Variants in GALNT17 observed in about 807,000 individuals in gnomAD.
The protein encoded by GALNT17 is UDP-GalNAc:polypeptide N-acetylgalactosaminyltransferase-like 3.
Under a neutral mutation model 63.7 loss-of-function variants are expected in GALNT17, and 29 were observed. The ratio of observed to expected loss-of-function variants is 0.46; its 90% CI spans 0.34 to 0.62. The LOEUF (loss-of-function observed/expected upper bound fraction) is 0.62, where lower values mean the gene tolerates loss of function less well. Ranked by LOEUF, GALNT17 falls within the 20% of genes least tolerant of loss-of-function variation. The pLI is 0.01. For synonymous variants in GALNT17, 305 were observed against 318.3 expected, an observed-to-expected ratio of 0.96 and a Z score of 0.45; for missense variants, 603 against 799.6, an observed-to-expected ratio of 0.75 and a Z score of 2.97.
chr7:71,515,364 G>A (rs1788428353), intron 5 of GALNT17, among the ~76,000 whole-genome samples: 1 of 152,194 alleles, frequency 6.6e-6, no homozygotes, highest in Non-Finnish European at 1.5e-5. Context: ...AGGGGATGGA[G>A]GGGACAGTCC....
At chr7:71,672,768 C>G (rs1791089593) in intron 8 of GALNT17, among the ~76,000 whole-genome samples, 1 of 152,178 alleles carries the variant, frequency 6.6e-6, no homozygotes, top group Non-Finnish European at 1.5e-5. Context: ...CCAGGCTGCT[C>G]TTGAACTCCT....
At chr7:71,412,070 G>A (rs963930324) in intron 3 of GALNT17, among the ~76,000 whole-genome samples, 12 of 152,162 alleles carry the variant, frequency 7.9e-5, no homozygotes, top group African/African-American at 2.9e-4. Flanking sequence ...CCTCCTTGGA[G>A]TCCCGTCTGT....
chr7:71,303,231 A>G lies in GALNT17; in HGVS notation c.239-32319A>G, dbSNP rs534715862. Among the ~76,000 whole-genome samples, 354 of 151,752 alleles carry G rather than the reference A, an allele frequency of 2.3e-3. 1 individual carries two copies. Among genetic ancestry groups the G allele is most frequent in the Non-Finnish European group, 3.9e-3 (265 of 67,944 alleles). On this transcript the variant is annotated intron_variant, in intron 1 of 10. Transcript: ENST00000333538. ...GAGCGCAGTGGTGAAATCATGGCTC[A>G]CTGTAGCCTTGACCTGGGCTCAAGA...
At chr7:71,262,848 T>A (rs2115637326) in intron 1 of GALNT17, among the ~76,000 whole-genome samples, 1 of 151,784 alleles carries the variant, frequency 6.6e-6, no homozygotes, top group Non-Finnish European at 1.5e-5. Flanking sequence ...GCCCAGCTAA[T>A]TTTTGTTTGT....
Position 71,206,136 on chromosome 7 carries a change from GTA to G in GALNT17, c.238+73106_238+73107del, listed in dbSNP as rs55959718. 5.7e-3 allele frequency among the ~76,000 whole-genome samples: 846 copies of G among 147,466 alleles called. 9 individuals carry two copies. Among genetic ancestry groups the G allele is most frequent in the Non-Finnish European group, 8.5e-3 (571 of 67,200 alleles). ...ACATATGAGGTGTGTGTTTGTGTGT[GTA>G]TATATATATGAATATATATATAAAA... On this transcript the variant is annotated intron_variant, in intron 1 of 10. Transcript: ENST00000333538.
At chr7:71,212,480 C>T (rs1041385967) in intron 1 of GALNT17, among the ~76,000 whole-genome samples, 2 of 152,238 alleles carry the variant, frequency 1.3e-5, no homozygotes, top group African/African-American at 4.8e-5. Flanking sequence ...CACAGAGTCC[C>T]TACTGGGGCA....
chr7:71,665,884 G>T (rs1790977728), intron 7 of GALNT17, among the ~76,000 whole-genome samples: 1 of 152,092 alleles, frequency 6.6e-6, no homozygotes, highest in Non-Finnish European at 1.5e-5. Context: ...CTGATGATAT[G>T]CTGTGTCCAG....
At chr7:71,507,664 C>A (rs899881296) in intron 5 of GALNT17, among the ~76,000 whole-genome samples, 1 of 152,184 alleles carries the variant, frequency 6.6e-6, no homozygotes, top group African/African-American at 2.4e-5. Flanking sequence ...ATCTTCGAGC[C>A]GTGTCCCTTT....
chr7:71,270,948 A>AG (rs1428811619), intron 1 of GALNT17, among the ~76,000 whole-genome samples: 2 of 151,540 alleles, frequency 1.3e-5, no homozygotes, highest in African/African-American at 2.4e-5. Context: ...GAGAAAAAAA[A>AG]AAGAAGAAAA....
chr7:71,379,135 A>G (rs1792798137), intron 2 of GALNT17, among the ~76,000 whole-genome samples: 2 of 152,198 alleles, frequency 1.3e-5, no homozygotes, highest in Admixed American at 1.3e-4. Context: ...GCCTGATACC[A>G]GGCTGGGCTC....
At chr7:71,421,802 T>C (rs1365159584) in intron 5 of GALNT17, among the ~76,000 whole-genome samples, 1 of 151,954 alleles carries the variant, frequency 6.6e-6, no homozygotes, top group Non-Finnish European at 1.5e-5. Flanking sequence ...TTTAAAAAAT[T>C]AGATGGGCGT....
At chr7:71,206,320 C>A (rs2116380439) in intron 1 of GALNT17, among the ~76,000 whole-genome samples, 1 of 151,964 alleles carries the variant, frequency 6.6e-6, no homozygotes, top group South Asian at 2.1e-4. Flanking sequence ...GTCCATGGAC[C>A]CTTTCTGACA....
intron 1 of GALNT17, among the ~76,000 whole-genome samples, chr7:71,177,423 T>G (rs983970134): frequency 2.6e-5 from 4 of 152,156 alleles, no homozygotes; most frequent in African/African-American, 4.8e-5. Context: ...GTCCTGATAC[T>G]CAGTTTATTT....
At chr7:71,303,710 A>G (rs1197578431) in intron 1 of GALNT17, among the ~76,000 whole-genome samples, 1 of 151,630 alleles carries the variant, frequency 6.6e-6, no homozygotes, top group East Asian at 1.9e-4. Flanking sequence ...TTTTTTCTTC[A>G]TGACTCAGAG....
intron 5 of GALNT17, among the ~76,000 whole-genome samples, chr7:71,531,438 G>A (rs550175524): frequency 1.2e-3 from 187 of 152,296 alleles, no homozygotes; most frequent in African/African-American, 4.4e-3. Context: ...ATTGGATAGT[G>A]CAGAGCTAGA....
At position 71,571,338 on chromosome 7, in the gene GALNT17, A is replaced by T; in HGVS notation, c.1016A>T (p.Glu339Val). 6.2e-7 allele frequency: 1 copy of T among 1,614,080 alleles called. No homozygotes were observed. Among genetic ancestry groups the T allele is most frequent in the Non-Finnish European group, 8.5e-7 (1 of 1,179,966 alleles). Residue 339 changes from glutamate to valine, a missense_variant, in exon 6 of 11, where the codon GAA becomes GTA. Glu to Val is a moderately radical substitution (Grantham distance 121, BLOSUM62 -2). Around this residue, in one of 3 missense-constraint regions of GALNT17, gnomAD observed 336 missense variants for 507.8 expected, o/e 0.66. Coordinates refer to ENST00000333538, the MANE Select transcript of GALNT17 (RefSeq NM_022479.3). Reference sequence around the variant, plus strand: ...GTGGTCAACAGGAAGTTCTTCGGTGAAATTGGTCTTCTGGATCCTGGCATG... The same window carrying T: ...GTGGTCAACAGGAAGTTCTTCGGTGTAATTGGTCTTCTGGATCCTGGCATG... ...SFVVNRKFFG[E>V]IGLLDPGMDV...
intron 3 of GALNT17, among the ~76,000 whole-genome samples, chr7:71,404,099 A>T (rs1793286573): frequency 6.6e-6 from 1 of 152,204 alleles, no homozygotes; most frequent in South Asian, 2.1e-4. Context: ...TCTCACCTGG[A>T]TAGCCTATAG....
intron 2 of GALNT17, among the ~76,000 whole-genome samples, chr7:71,351,787 G>A (rs1792193262): frequency 6.6e-6 from 1 of 152,128 alleles, no homozygotes; most frequent in South Asian, 2.1e-4. Context: ...CCATTTTGTG[G>A]TACTTTGCTA....
intron 6 of GALNT17, among the ~76,000 whole-genome samples, chr7:71,631,846 C>G (rs78187221): frequency 0.023 from 3,569 of 152,160 alleles, 149 homozygotes; most frequent in African/African-American, 0.081. Flanking sequence ...TAATTCTGCA[C>G]GTGTCTGTGC....
Sources: gnomAD v4.1 joint callset for allele counts (sites outside exome capture counted in the v4.1 genomes callset) on GRCh38, gnomAD v4.1.1 for gene constraint, gnomAD v4.1.1 regional missense constraint, MANE v1.5 for transcripts, NCBI Gene and HGNC (gene_info 2026-07-23, HGNC 2026-07-21) for gene names.